The following MLLT3 variants were observed in gnomAD, a reference collection of about 807,000 sequenced individuals.
The protein encoded by MLLT3 is protein AF-9.
A neutral mutation model predicts 53.2 loss-of-function variants in MLLT3; 4 were observed. The observed-to-expected ratio is 0.08, with a 90% CI of 0.04 to 0.17. MLLT3 has a LOEUF of 0.17. MLLT3 is among the 10% of genes least tolerant of loss of function. The pLI, the probability that MLLT3 is intolerant of heterozygous loss-of-function variation, is 1.00. For missense variants in MLLT3, 569 were observed against 684.0 expected, an observed-to-expected ratio of 0.83 and a Z score of 1.87; for synonymous variants, 283 against 230.6, an observed-to-expected ratio of 1.23 and a Z score of -2.06.
Position 20,621,757 on chromosome 9 carries a change from G to C in MLLT3, c.12+488C>G. ...CGCACACTTCGGCTCACACACGCGC[G>C]CCGCGGAGAACGCACCATCGTAGCG... On this transcript the variant is annotated intron_variant, in intron 1 of 10. Transcript: ENST00000380338. The surrounding 1 kb of genome is among the most constrained non-coding windows in gnomAD (Gnocchi z 7.0). 6.7e-7 allele frequency: 1 copy of C among 1,488,144 alleles called. No homozygotes were observed. Among genetic ancestry groups the C allele is most frequent in the Non-Finnish European group, 8.9e-7 (1 of 1,127,508 alleles). The allele number at this position is 1,488,144 out of a possible 1,614,324, so 92.2% of individuals were successfully genotyped here.
chr9:20,572,560 G>A (rs938788810), intron 2 of MLLT3, among the ~76,000 whole-genome samples: 10 of 152,174 alleles, frequency 6.6e-5, no homozygotes, highest in South Asian at 2.1e-4. Flanking sequence ...TTGGAAGGCC[G>A]AGGCAGGCGA....
intron 2 of MLLT3, among the ~76,000 whole-genome samples, chr9:20,562,203 G>A (rs1394095996): frequency 6.6e-6 from 1 of 152,088 alleles, no homozygotes. Flanking sequence ...AGCTTCCATA[G>A]TAATACTAGT....
chr9:20,414,140 G>C lies in MLLT3; in HGVS notation c.706C>G (p.Pro236Ala), dbSNP rs1822802657. Residue 236 changes from proline to alanine, a missense_variant, in exon 5 of 11, where the codon CCC becomes GCC. By Grantham distance (27) the Pro-to-Ala change is conservative. This residue lies in a region of MLLT3 where 437 missense variants were observed against 376.5 expected (regional missense o/e 1.16). Transcript: ENST00000380338. ...NKSSKESSKK[P>A]KENKPLKEEK... Reference sequence around the variant, plus strand: ...TCTTTCAGTGGTTTATTTTCTTTGGGTTTCTTAGAGGATTCTTTGGAAGAT... The same window carrying C: ...TCTTTCAGTGGTTTATTTTCTTTGGCTTTCTTAGAGGATTCTTTGGAAGAT... 2 of 1,613,900 alleles carry C rather than the reference G, an allele frequency of 1.2e-6. No individual in the cohort carries two copies. The highest frequency in any genetic ancestry group is 1.7e-4 in the Middle Eastern group (1 of 6,058).
At chr9:20,351,462 G>C (rs1033568873) in intron 10 of MLLT3, among the ~76,000 whole-genome samples, 1 of 152,166 alleles carries the variant, frequency 6.6e-6, no homozygotes, top group African/African-American at 2.4e-5. Flanking sequence ...ACTTCTCTTG[G>C]TTTGACTGTG....
At chr9:20,594,353 T>C (rs1371929085) in intron 2 of MLLT3, among the ~76,000 whole-genome samples, 2 of 152,184 alleles carry the variant, frequency 1.3e-5, no homozygotes. Context: ...AGCTCCTCTC[T>C]ACCCTGAATA....
intron 2 of MLLT3, among the ~76,000 whole-genome samples, chr9:20,578,672 A>G (rs1268916872): frequency 6.6e-6 from 1 of 152,122 alleles, no homozygotes; most frequent in Non-Finnish European, 1.5e-5. Context: ...ATTTTAAATT[A>G]TATTTTATTT....
At chr9:20,394,588 T>C (rs1353263450) in intron 5 of MLLT3, among the ~76,000 whole-genome samples, 2 of 152,106 alleles carry the variant, frequency 1.3e-5, no homozygotes, top group African/African-American at 4.8e-5. Context: ...ACAACTTTAC[T>C]ATCTGGAGGC....
chr9:20,468,626 G>A (rs1414256471), intron 2 of MLLT3, among the ~76,000 whole-genome samples: 1 of 152,160 alleles, frequency 6.6e-6, no homozygotes, highest in Non-Finnish European at 1.5e-5. Context: ...GGGAATCAGG[G>A]GACCTGGTTC....
intron 2 of MLLT3, among the ~76,000 whole-genome samples, chr9:20,596,836 G>A (rs1302565008): frequency 1.3e-5 from 2 of 152,188 alleles, no homozygotes; most frequent in Admixed American, 1.3e-4. Context: ...AAGCCAGTTG[G>A]AGTTCTGACT....
chr9:20,534,090 G>A (rs1818415553), intron 2 of MLLT3, among the ~76,000 whole-genome samples: 1 of 152,000 alleles, frequency 6.6e-6, no homozygotes, highest in African/African-American at 2.4e-5. Context: ...ATATTTTTAA[G>A]TAAATAAAAG....
At chr9:20,490,551 T>A (rs1484591117) in intron 2 of MLLT3, among the ~76,000 whole-genome samples, 1 of 152,198 alleles carries the variant, frequency 6.6e-6, no homozygotes, top group East Asian at 1.9e-4. Flanking sequence ...ACAACCTGAA[T>A]GAACCTGGGA....
intron 2 of MLLT3, among the ~76,000 whole-genome samples, chr9:20,580,202 T>C (rs765140037): frequency 7.9e-5 from 12 of 152,148 alleles, no homozygotes; most frequent in Non-Finnish European, 1.5e-4. Flanking sequence ...TTACTCTTTC[T>C]TCCTTGGGAG....
At chr9:20,562,884 T>C (rs1328123751) in intron 2 of MLLT3, among the ~76,000 whole-genome samples, 1 of 152,178 alleles carries the variant, frequency 6.6e-6, no homozygotes, top group African/African-American at 2.4e-5. Context: ...ATCAGAGTTG[T>C]GAAATCTCAA....
chr9:20,541,603 G>T (rs540032051), intron 2 of MLLT3, among the ~76,000 whole-genome samples: 37 of 152,230 alleles, frequency 2.4e-4, no homozygotes, highest in Non-Finnish European at 3.8e-4. Context: ...GGCCCGCATA[G>T]GGGAAATCCG....
chr9:20,425,711 G>C (rs1563961120), intron 4 of MLLT3, among the ~76,000 whole-genome samples: 1 of 151,536 alleles, frequency 6.6e-6, no homozygotes, highest in African/African-American at 2.4e-5. Context: ...TATACATTTA[G>C]CTTACATCAT....
Position 20,448,060 on chromosome 9 carries a change from G to GTTTTTTTTTTTTTTTTT in MLLT3, c.420+62_420+63insAAAAAAAAAAAAAAAAA. The GTTTTTTTTTTTTTTTTT allele has an allele frequency of 8.3e-7, 1 of 1,205,060 alleles. No individual in the cohort carries two copies. The highest frequency in any genetic ancestry group is 1.1e-6 in the Non-Finnish European group (1 of 878,412). 74.6% of individuals were successfully genotyped at this position (1,205,060 alleles called of 1,614,324 possible). Reference sequence around the variant, plus strand: ...TAACACATGAGGAACTAGTTTGTTTGTTTTTTTTTTTGTTGTTGTTGTTTT... The same window carrying GTTTTTTTTTTTTTTTTT: ...TAACACATGAGGAACTAGTTTGTTTGTTTTTTTTTTTTTTTTTTTTTTTTTTTTGTTGTTGTTGTTTT... On this transcript the variant is annotated intron_variant, in intron 4 of 10. Transcript: ENST00000380338. The surrounding 1 kb of genome is among the most constrained non-coding windows in gnomAD (Gnocchi z 4.0).
At chr9:20,519,680 T>C (rs985635695) in intron 2 of MLLT3, among the ~76,000 whole-genome samples, 8 of 152,114 alleles carry the variant, frequency 5.3e-5, no homozygotes, top group Non-Finnish European at 1.2e-4. Flanking sequence ...TGCCTATTAT[T>C]AAGAAATCAA....
intron 5 of MLLT3, among the ~76,000 whole-genome samples, chr9:20,381,582 C>G (rs918102229): frequency 1.3e-5 from 2 of 151,884 alleles, no homozygotes; most frequent in African/African-American, 4.8e-5. Flanking sequence ...AACTATTAAA[C>G]AAGTTAAAAA....
intron 2 of MLLT3, among the ~76,000 whole-genome samples, chr9:20,610,524 A>G (rs562403044): frequency 6.6e-6 from 1 of 152,280 alleles, no homozygotes; most frequent in South Asian, 2.1e-4. Context: ...TATAACTTAC[A>G]GGAGTGGAAA....
Sources: gnomAD v4.1 joint callset for allele counts (sites outside exome capture counted in the v4.1 genomes callset) on GRCh38, gnomAD v4.1.1 for gene constraint, gnomAD v4.1.1 regional missense constraint, Gnocchi (gnomAD v3.1) non-coding constraint, MANE v1.5 for transcripts, NCBI Gene and HGNC (gene_info 2026-07-23, HGNC 2026-07-21) for gene names.